TAFA1: variants seen among roughly 807,000 people sequenced by gnomAD.
The protein encoded by TAFA1 is chemokine-like protein TAFA-1.
A neutral mutation model predicts 18.5 loss-of-function variants in TAFA1; 4 were observed. That is an observed-to-expected ratio of 0.22 (90% CI 0.11 to 0.49). The LOEUF (loss-of-function observed/expected upper bound fraction) is 0.49, where lower values mean the gene tolerates loss of function less well. TAFA1 is among the 20% of genes least tolerant of loss of function. The pLI, the probability that TAFA1 is intolerant of heterozygous loss-of-function variation, is 0.98. For synonymous variants in TAFA1, 56 were observed against 55.2 expected (o/e 1.01, Z -0.06); for missense variants, 147 against 169.0 (o/e 0.87, Z 0.72).
chr3:68,257,117 C>T (rs144416046), intron 2 of TAFA1, among the ~76,000 whole-genome samples: 1 of 152,060 alleles, frequency 6.6e-6, no homozygotes, highest in Non-Finnish European at 1.5e-5. Context: ...GAGTTCTTTC[C>T]AGCCTCAGGG....
At chr3:68,260,957 A>G (rs1238957027) in intron 2 of TAFA1, among the ~76,000 whole-genome samples, 3 of 152,194 alleles carry the variant, frequency 2.0e-5, no homozygotes, top group African/African-American at 7.2e-5. Context: ...GCACAGCAAA[A>G]GAAACTAACG....
At chr3:68,147,510 A>G (rs988197754) in intron 2 of TAFA1, among the ~76,000 whole-genome samples, 1 of 151,834 alleles carries the variant, frequency 6.6e-6, no homozygotes, top group Non-Finnish European at 1.5e-5. Flanking sequence ...TTAATATGTT[A>G]AGCTCGCTTT....
intron 2 of TAFA1, among the ~76,000 whole-genome samples, chr3:68,280,269 A>T (rs993180587): frequency 1.3e-5 from 2 of 152,174 alleles, no homozygotes; most frequent in Admixed American, 6.6e-5. Flanking sequence ...ATAATTGTCC[A>T]TCACTCTTTT....
intron 2 of TAFA1, among the ~76,000 whole-genome samples, chr3:68,007,961 C>G (rs1252790613): frequency 6.6e-6 from 1 of 152,226 alleles, no homozygotes; most frequent in African/African-American, 2.4e-5. Flanking sequence ...GGTCCTCCCG[C>G]GCGCCTGCAC....
chr3:68,016,716 T>A (rs1704577640), intron 2 of TAFA1, among the ~76,000 whole-genome samples: 1 of 152,224 alleles, frequency 6.6e-6, no homozygotes, highest in African/African-American at 2.4e-5. Flanking sequence ...ACTGTATTTG[T>A]AATTATCTTA....
At chr3:68,214,440 T>C (rs947766600) in intron 2 of TAFA1, among the ~76,000 whole-genome samples, 2 of 152,026 alleles carry the variant, frequency 1.3e-5, no homozygotes, top group African/African-American at 2.4e-5. Context: ...GGCCTTTCCC[T>C]TTGCACAAAA....
intron 2 of TAFA1, among the ~76,000 whole-genome samples, chr3:68,201,145 T>G (rs954064556): frequency 6.6e-6 from 1 of 151,746 alleles, no homozygotes; most frequent in Non-Finnish European, 1.5e-5. Context: ...CCCTGTGTTA[T>G]TTAGGAATGT....
At chr3:68,183,367 C>CATG (rs2066230323) in intron 2 of TAFA1, among the ~76,000 whole-genome samples, 1 of 152,106 alleles carries the variant, frequency 6.6e-6, no homozygotes. Flanking sequence ...AACCAGAAGT[C>CATG]ATGCATTGTC....
At chr3:68,079,046 G>T (rs1321008523) in intron 2 of TAFA1, among the ~76,000 whole-genome samples, 1 of 152,134 alleles carries the variant, frequency 6.6e-6, no homozygotes, top group Non-Finnish European at 1.5e-5. Context: ...TTGGTAGAGG[G>T]TATGTGTCCA....
At chr3:68,022,697 C>T (rs1446757314) in intron 2 of TAFA1, among the ~76,000 whole-genome samples, 1 of 150,676 alleles carries the variant, frequency 6.6e-6, no homozygotes, top group Non-Finnish European at 1.5e-5. Flanking sequence ...AGGGAAAATG[C>T]ATTGGTTTAT....
intron 2 of TAFA1, among the ~76,000 whole-genome samples, chr3:68,037,954 A>G (rs2106669766): frequency 6.6e-6 from 1 of 152,326 alleles, no homozygotes; most frequent in Non-Finnish European, 1.5e-5. Flanking sequence ...TGAAGAAAAG[A>G]AAGACAAAGA....
chr3:68,514,066 AG>A (rs1423239590), intron 3 of TAFA1, among the ~76,000 whole-genome samples: 6 of 152,126 alleles, frequency 3.9e-5, no homozygotes, highest in African/African-American at 1.4e-4. Context: ...ACATGGCAAA[AG>A]GGGTGAGGAA....
chr3:68,457,774 G>A (rs1342328045), intron 3 of TAFA1, among the ~76,000 whole-genome samples: 1 of 152,082 alleles, frequency 6.6e-6, no homozygotes, highest in East Asian at 1.9e-4. Flanking sequence ...CCTTTGATCA[G>A]CATCTTCCCA....
chr3:68,442,065 C>T (rs1040863772), intron 3 of TAFA1, among the ~76,000 whole-genome samples: 7 of 152,170 alleles, frequency 4.6e-5, no homozygotes, highest in Non-Finnish European at 2.9e-5. Context: ...CCAGCCTCTG[C>T]CCATTATGCA....
upstream of TAFA1, among the ~76,000 whole-genome samples, chr3:68,003,577 T>A (rs902301214): frequency 6.6e-6 from 1 of 152,162 alleles, no homozygotes; most frequent in Admixed American, 6.5e-5. Flanking sequence ...CTTGTATTCA[T>A]CATTGAAATT....
chr3:68,313,719 T>G (rs891407654), intron 2 of TAFA1, among the ~76,000 whole-genome samples: 1 of 152,190 alleles, frequency 6.6e-6, no homozygotes, highest in African/African-American at 2.4e-5. Context: ...ATAAAAGCCC[T>G]AATCCTCACT....
intron 2 of TAFA1, among the ~76,000 whole-genome samples, chr3:68,393,607 A>G (rs945379873): frequency 6.6e-6 from 1 of 152,210 alleles, no homozygotes; most frequent in Non-Finnish European, 1.5e-5. Context: ...CAATGCAAAA[A>G]TCCTCTATAA....
intron 2 of TAFA1, among the ~76,000 whole-genome samples, chr3:68,050,214 A>C (rs2064450095): frequency 6.6e-6 from 1 of 152,152 alleles, no homozygotes; most frequent in Non-Finnish European, 1.5e-5. Flanking sequence ...AAGAAGAAAA[A>C]ACCATTGAAG....
intron 3 of TAFA1, among the ~76,000 whole-genome samples, chr3:68,468,956 G>A (rs953988680): frequency 2.6e-5 from 4 of 152,080 alleles, no homozygotes; most frequent in African/African-American, 7.2e-5. Context: ...ATTATTTCTT[G>A]TCAAAGTGGT....
Sources: gnomAD v4.1 joint callset for allele counts (sites outside exome capture counted in the v4.1 genomes callset) on GRCh38, gnomAD v4.1.1 for gene constraint, MANE v1.5 for transcripts, NCBI Gene and HGNC (gene_info 2026-07-23, HGNC 2026-07-21) for gene names.